TLCD4: variants seen among roughly 807,000 people sequenced by gnomAD.
The protein encoded by TLCD4 is TLC domain-containing protein 4.
A neutral mutation model predicts 24.2 loss-of-function variants in TLCD4; 7 were observed. The observed-to-expected ratio is 0.29, with a 90% CI of 0.16 to 0.54. The LOEUF is 0.54. Ranked by LOEUF, TLCD4 falls within the 20% of genes least tolerant of loss-of-function variation. The pLI is 0.95. For missense variants in TLCD4, 259 were observed against 313.9 expected, an observed-to-expected ratio of 0.82 and a Z score of 1.32; for synonymous variants, 103 against 106.4, an observed-to-expected ratio of 0.97 and a Z score of 0.20.
intron 1 of TLCD4, among the ~76,000 whole-genome samples, chr1:95,129,542 GAC>G (rs1186085554): frequency 6.6e-6 from 1 of 152,144 alleles, no homozygotes; most frequent in Non-Finnish European, 1.5e-5. Flanking sequence ...AAGAGTTCGA[GAC>G]CAACCTGACC....
intron 1 of TLCD4, among the ~76,000 whole-genome samples, chr1:95,127,903 A>T (rs1038242695): frequency 3.3e-5 from 5 of 152,214 alleles, no homozygotes; most frequent in Non-Finnish European, 7.3e-5. Context: ...ATTCTGATTT[A>T]TCCAAAATCC....
chr1:95,102,849 T>C, the TLCD4 span, among the ~76,000 whole-genome samples: 1 of 152,150 alleles, frequency 6.6e-6, no homozygotes, highest in African/African-American at 2.4e-5. Flanking sequence ...GCTCAAGGGC[T>C]AGGGGAATGC....
At chr1:95,162,231 A>G (rs1286319104) in intron 5 of TLCD4, among the ~76,000 whole-genome samples, 8 of 151,988 alleles carry the variant, frequency 5.3e-5, no homozygotes, top group Admixed American at 5.2e-4. Context: ...CTTCTTGTTG[A>G]ATTGATTCCT....
chr1:95,115,354 C>T (rs1365392998), upstream of TLCD4, among the ~76,000 whole-genome samples: 5 of 152,000 alleles, frequency 3.3e-5, no homozygotes, highest in Admixed American at 1.3e-4. Context: ...GTGATCTGCC[C>T]GCCTCAGCCT....
rs1417015633 is a variant in TLCD4, at chr1:95,191,922, GATGAATTCTTGGC to G, written c.*58_*70del. Reference sequence around the variant, plus strand: ...TACTACCCAGCATATCTGCTGATAGGATGAATTCTTGGCATGTTCTTGTGTACCTTTCTTAATT... The same window carrying G: ...TACTACCCAGCATATCTGCTGATAGGATGTTCTTGTGTACCTTTCTTAATT... On this transcript the variant is annotated 3_prime_UTR_variant, in exon 7 of 7. Coordinates refer to ENST00000370203, the MANE Select transcript of TLCD4 (RefSeq NM_152487.3). 8.0e-5 allele frequency: 124 copies of G among 1,553,398 alleles called. No individual in the cohort carries two copies. Among genetic ancestry groups the G allele is most frequent in the Non-Finnish European group, 1.0e-4 (118 of 1,154,786 alleles).
intron 2 of TLCD4, among the ~76,000 whole-genome samples, chr1:95,147,407 G>A (rs1357000906): frequency 6.6e-6 from 1 of 152,156 alleles, no homozygotes; most frequent in East Asian, 1.9e-4. Flanking sequence ...TGCTCAAGGT[G>A]TGCTTGGCAT....
the TLCD4 span, among the ~76,000 whole-genome samples, chr1:95,101,257 T>C: frequency 6.6e-6 from 1 of 152,002 alleles, no homozygotes; most frequent in African/African-American, 2.4e-5. Context: ...TTTTTATTTT[T>C]GTTTCATTTA....
intron 5 of TLCD4, among the ~76,000 whole-genome samples, chr1:95,154,403 T>G (rs1211102804): frequency 1.3e-5 from 2 of 152,130 alleles, no homozygotes; most frequent in African/African-American, 4.8e-5. Flanking sequence ...AGAAGAAACA[T>G]TAACTCTGAA....
chr1:95,159,143 A>G (rs550189828), intron 5 of TLCD4, among the ~76,000 whole-genome samples: 5 of 152,258 alleles, frequency 3.3e-5, no homozygotes, highest in South Asian at 2.1e-4. Context: ...AAGTGTACCT[A>G]TTTCTCCACA....
chr1:95,188,613 G>C (rs1678915734), intron 6 of TLCD4, among the ~76,000 whole-genome samples: 1 of 151,900 alleles, frequency 6.6e-6, no homozygotes, highest in Non-Finnish European at 1.5e-5. Flanking sequence ...TTATACTTTA[G>C]GTTATAATCC....
At chr1:95,160,336 C>T (rs1357679335) in intron 5 of TLCD4, among the ~76,000 whole-genome samples, 18 of 152,096 alleles carry the variant, frequency 1.2e-4, no homozygotes, top group East Asian at 1.2e-3. Context: ...GGAATGCTTG[C>T]GATTTTTGCA....
intron 6 of TLCD4, among the ~76,000 whole-genome samples, chr1:95,183,516 T>C (rs1343962893): frequency 2.0e-5 from 3 of 152,150 alleles, no homozygotes; most frequent in South Asian, 2.1e-4. Flanking sequence ...AGAAAAGATA[T>C]ATTTAGAAGA....
intron 5 of TLCD4, among the ~76,000 whole-genome samples, chr1:95,151,806 A>G (rs1229434341): frequency 6.6e-6 from 1 of 152,174 alleles, no homozygotes; most frequent in Non-Finnish European, 1.5e-5. Context: ...GTGCAATTAC[A>G]TATACATAAT....
intron 4 of TLCD4, 96 bp downstream of exon 4, chr1:95,150,362 A>T (rs1677461500): frequency 6.7e-7 from 1 of 1,483,858 alleles, no homozygotes; most frequent in Non-Finnish European, 9.0e-7. Context: ...TATTTGAGAG[A>T]TAGCATTTAG....
intron 2 of TLCD4, among the ~76,000 whole-genome samples, chr1:95,147,488 A>T (rs1490830768): frequency 6.6e-6 from 1 of 152,262 alleles, no homozygotes; most frequent in Non-Finnish European, 1.5e-5. Context: ...CTTAGGTATT[A>T]TAAATGATAC....
chr1:95,156,117 T>C (rs1000809933), intron 5 of TLCD4, among the ~76,000 whole-genome samples: 2 of 152,216 alleles, frequency 1.3e-5, no homozygotes, highest in African/African-American at 4.8e-5. Context: ...CTACTGATAG[T>C]ACTTGATGTA....
At chr1:95,123,697 A>T (rs1386870250) in intron 1 of TLCD4, among the ~76,000 whole-genome samples, 1 of 152,156 alleles carries the variant, frequency 6.6e-6, no homozygotes, top group African/African-American at 2.4e-5. Context: ...AGAGTTATTT[A>T]GTTTTGAAAA....
chr1:95,100,731 A>G, the TLCD4 span, among the ~76,000 whole-genome samples: 2 of 152,162 alleles, frequency 1.3e-5, no homozygotes, highest in African/African-American at 4.8e-5. Context: ...ACAGGTTGTA[A>G]CATCTGCCTG....
intron 1 of TLCD4, among the ~76,000 whole-genome samples, chr1:95,142,848 G>C (rs1677243630): frequency 1.3e-5 from 2 of 152,064 alleles, no homozygotes; most frequent in African/African-American, 4.8e-5. Flanking sequence ...CGCTCGCGAT[G>C]ATGAGGCAGC....
Sources: gnomAD v4.1 joint callset for allele counts (sites outside exome capture counted in the v4.1 genomes callset) on GRCh38, gnomAD v4.1.1 for gene constraint, MANE v1.5 for transcripts, NCBI Gene and HGNC (gene_info 2026-07-23, HGNC 2026-07-21) for gene names.